Variants in MIA2 observed in about 807,000 individuals in gnomAD.
MIA2 encodes the protein melanoma inhibitory activity protein 2.
Under a neutral mutation model 167.8 loss-of-function variants are expected in MIA2, and 127 were observed. The ratio of observed to expected loss-of-function variants is 0.76; its 90% CI spans 0.66 to 0.88. The LOEUF (loss-of-function observed/expected upper bound fraction) is 0.88. Among genes scored for constraint, MIA2 ranks in the 40% least tolerant of loss-of-function variants. The pLI, the probability that MIA2 is intolerant of heterozygous loss-of-function variation, is 0.00. For synonymous variants in MIA2, 552 were observed against 541.9 expected (o/e 1.02, Z -0.26); for missense variants, 1,690 against 1,624.7 (o/e 1.04, Z -0.69).
In MIA2 at chr14:39,269,036, T is replaced by A. The variant is rs557963669; in HGVS notation, c.1888-7898T>A. ...GGAGAAATGCAGCCAGATTTTGCAG[T>A]TTTCTCTAGTCTGGTGCGTTGTATC... is the stretch of plus-strand genomic sequence containing the variant. On this transcript the variant is annotated intron_variant, in intron 6 of 28. Coordinates refer to ENST00000640607, the MANE Select transcript of MIA2 (RefSeq NM_001329214.4). 4.2e-5 allele frequency: 41 copies of A among 982,410 alleles called. No individual in the cohort carries two copies. In the East Asian group the frequency reaches 3.4e-3, roughly 82 times the overall value. 60.9% of individuals were successfully genotyped at this position (982,410 alleles called of 1,614,324 possible).
intron 23 of MIA2, among the ~76,000 whole-genome samples, chr14:39,357,645 C>T (rs569260720): frequency 3.9e-5 from 6 of 152,272 alleles, no homozygotes; most frequent in African/African-American, 1.4e-4. Flanking sequence ...TTCTTCCTAG[C>T]CTCGATGGTC....
chr14:39,305,035 A>G (rs1566839915), intron 17 of MIA2, among the ~76,000 whole-genome samples: 1 of 152,208 alleles, frequency 6.6e-6, no homozygotes, highest in African/African-American at 2.4e-5. Flanking sequence ...TCAAATGTCA[A>G]CAATGATTAT....
At chr14:39,254,619 G>A (rs1003514985) in intron 6 of MIA2, among the ~76,000 whole-genome samples, 1 of 152,196 alleles carries the variant, frequency 6.6e-6, no homozygotes, top group Non-Finnish European at 1.5e-5. Flanking sequence ...TGTATGCGCT[G>A]TCTAAAGGAT....
At position 39,293,383 on chromosome 14, in the gene MIA2, T is replaced by C. The variant is rs772434558; in HGVS notation, c.2319+2T>C. 5.9e-6 allele frequency: 9 copies of C among 1,531,854 alleles called. No individual in the cohort carries two copies. In the Middle Eastern group the frequency reaches 1.0e-3, roughly 174 times the overall value. The allele number at this position is 1,531,854 out of a possible 1,614,324, so 94.9% of individuals were successfully genotyped here. ...AAACATTCTGAACAAGATGAATTGGTAAGGCTTTTTTATTTGAGGAGAATA... is the reference window on the plus strand; with the variant it reads ...AAACATTCTGAACAAGATGAATTGGCAAGGCTTTTTTATTTGAGGAGAATA... On this transcript the variant is annotated splice_donor_variant, in intron 11 of 28. Coordinates refer to ENST00000640607, the MANE Select transcript of MIA2 (RefSeq NM_001329214.4). LOFTEE classifies it high-confidence loss of function.
chr14:39,360,331 C>G (rs2074652927), intron 23 of MIA2, among the ~76,000 whole-genome samples: 1 of 152,182 alleles, frequency 6.6e-6, no homozygotes, highest in South Asian at 2.1e-4. Context: ...AAGATGATAT[C>G]TCACTGTGGC....
At chr14:39,240,979 T>C (rs926683969) in intron 3 of MIA2, among the ~76,000 whole-genome samples, 1 of 152,230 alleles carries the variant, frequency 6.6e-6, no homozygotes, top group African/African-American at 2.4e-5. Context: ...TTTCCTTATC[T>C]GTAAAATGGG....
intron 24 of MIA2, among the ~76,000 whole-genome samples, chr14:39,324,418 T>A (rs1481428004): frequency 6.6e-6 from 1 of 152,216 alleles, no homozygotes; most frequent in Non-Finnish European, 1.5e-5. Flanking sequence ...ATAGTTTACC[T>A]CCTGATGTAA....
intron 24 of MIA2, among the ~76,000 whole-genome samples, chr14:39,321,552 G>A (rs1432817196): frequency 9.2e-5 from 14 of 151,760 alleles, no homozygotes; most frequent in Non-Finnish European, 1.5e-4. Flanking sequence ...TCCTGACCTC[G>A]TGATCCACCC....
In MIA2 at chr14:39,309,502, G is replaced by A. The variant is rs561532836; in HGVS notation, c.3017+915G>A. 5.8e-4 allele frequency among the ~76,000 whole-genome samples: 88 copies of A among 152,210 alleles called. 1 individual carries two copies. The South Asian group carries it at 6.4e-3, about 11-fold the overall frequency. On this transcript the variant is annotated intron_variant, in intron 18 of 28. Transcript: ENST00000640607. Reference sequence around the variant, plus strand: ...TCTTTTGTGCTTGTTCCTTCTGCCTGGAATGATGTTTCCTTATATATTTGA... The same window carrying A: ...TCTTTTGTGCTTGTTCCTTCTGCCTAGAATGATGTTTCCTTATATATTTGA...
At chr14:39,311,836 G>GTGTT (rs550544697) in intron 18 of MIA2, among the ~76,000 whole-genome samples, 2 of 96,616 alleles carry the variant, frequency 2.1e-5, no homozygotes, top group Admixed American at 9.7e-5. Flanking sequence ...GTGTGTGTGT[G>GTGTT]TTTTTTTTTT....
chr14:39,298,216 C>G (rs1234861937), intron 13 of MIA2, among the ~76,000 whole-genome samples: 3 of 151,682 alleles, frequency 2.0e-5, no homozygotes, highest in African/African-American at 4.8e-5. Flanking sequence ...TCATCTAACT[C>G]CCTTGTAATA....
chr14:39,350,119 G>C lies in MIA2; in HGVS notation c.4094G>C (p.Arg1365Thr), dbSNP rs778794782. 2 of 1,367,296 alleles carry C rather than the reference G, an allele frequency of 1.5e-6. No homozygotes were observed. The highest frequency in any genetic ancestry group is 2.0e-6 in the Non-Finnish European group (2 of 999,214). 84.7% of individuals were successfully genotyped at this position (1,367,296 alleles called of 1,614,324 possible). Residue 1365 changes from arginine (R) to threonine (T), a missense_variant, in exon 29 of 29, where the codon AGG becomes ACG. Arg to Thr is a moderately conservative substitution (Grantham distance 71, BLOSUM62 -1). Coordinates refer to ENST00000640607, the MANE Select transcript of MIA2 (RefSeq NM_001329214.4). The part of the protein sequence containing the change: ...PFAMRNVYPP[R>T]GFPPYLPPRP... ...ACAGTGAGAAATGTCTATCCACCGA[G>C]GGGTTTTCCTCCTTACCTTCCCCCA... is the stretch of plus-strand genomic sequence containing the variant.
rs768697099 is a variant in MIA2, at chr14:39,299,967, A to T, written c.2600A>T (p.Asp867Val). The T allele has an allele frequency of 1.9e-6, 3 of 1,598,714 alleles. No homozygotes were observed. Among genetic ancestry groups the T allele is most frequent in the Non-Finnish European group, 2.6e-6 (3 of 1,175,142 alleles). ...GTACATGCAGAACAAGTTCTAAATG[A>T]TAAAGAAAGTCACATCAAGGTAAAT... is the stretch of plus-strand genomic sequence containing the variant. ...SKVHAEQVLN[D>V]KESHIKTLTE... is the part of the protein sequence containing the mutation. The change falls in exon 14 of 29, where the codon GAT (aspartate) becomes GTT (valine). Residue 867 changes from aspartate (D) to valine (V), a missense_variant. Physicochemically the swap from Asp to Val is radical, Grantham distance 152 (BLOSUM62 -3). Transcript: ENST00000640607.
At position 39,388,267 on chromosome 14, in the gene MIA2, A is replaced by AT. The variant is rs1314846510; in HGVS notation, c.*1321dup. 2.0e-5 allele frequency: 3 copies of AT among 152,046 alleles called. No individual in the cohort carries two copies. Among genetic ancestry groups the AT allele is most frequent in the African/African-American group, 4.8e-5 (2 of 41,468 alleles). The allele number at this position is 152,046 out of a possible 1,614,324, so 9.4% of individuals were successfully genotyped here. A position where few individuals can be genotyped will look rare whatever the true frequency, so the allele number is the denominator to read the frequency against. ...TTGACAGCTATCCAAACAATCTTAC[A>AT]TTTTTTCCTTCATGTTTTTCTTTTC... On this transcript the variant is annotated 3_prime_UTR_variant, in exon 24 of 24. Transcript: ENST00000341502. This position sits in a 1 kb window ranked among gnomAD's most constrained non-coding sequence, Gnocchi z 4.1.
chr14:39,300,390 A>G (rs891526218), intron 14 of MIA2, among the ~76,000 whole-genome samples: 2 of 152,172 alleles, frequency 1.3e-5, no homozygotes, highest in African/African-American at 4.8e-5. Flanking sequence ...GGAGAGGAAT[A>G]CTTTTAAAAA....
intron 24 of MIA2, among the ~76,000 whole-genome samples, chr14:39,321,744 T>C (rs2066477186): frequency 6.7e-6 from 1 of 149,272 alleles, no homozygotes; most frequent in South Asian, 2.1e-4. Context: ...ATTATCTATG[T>C]GTATGTATAT....
chr14:39,274,203 C>T (rs1394084589), intron 6 of MIA2, among the ~76,000 whole-genome samples: 1 of 152,008 alleles, frequency 6.6e-6, no homozygotes. Flanking sequence ...GGAGGGGTTA[C>T]CCATCACCCT....
At position 39,279,469 on chromosome 14, in the gene MIA2, C is replaced by G. The variant is rs747878553; in HGVS notation, c.2062C>G (p.Leu688Val). ...LYVGREKKLA[L>V]MLSGLIEEKS... ...TTTAGGACGAGAGAAAAAGCTTGCT[C>G]TAATGCTTTCTGGACTAATTGAAGA... is the stretch of plus-strand genomic sequence containing the variant. The change falls in exon 9 of 29, where the codon CTA becomes GTA. Residue 688 changes from leucine to valine, a missense_variant. Coordinates refer to ENST00000640607, the MANE Select transcript of MIA2 (RefSeq NM_001329214.4). 1.2e-6 allele frequency: 2 copies of G among 1,608,998 alleles called. No homozygotes were observed. Among genetic ancestry groups the G allele is most frequent in the Admixed American group, 1.7e-5 (1 of 59,110 alleles).
At chr14:39,239,375 A>C (rs1308720350) in intron 2 of MIA2, among the ~76,000 whole-genome samples, 1 of 150,712 alleles carries the variant, frequency 6.6e-6, no homozygotes, top group African/African-American at 2.4e-5. Context: ...GCAAGAATAC[A>C]CACACACACA....
Sources: allele counts gnomAD v4.1 joint callset (sites outside exome capture counted in the v4.1 genomes callset), GRCh38; gene constraint gnomAD v4.1.1; non-coding constraint Gnocchi (gnomAD v3.1); transcripts MANE v1.5; gene names NCBI Gene and HGNC (gene_info 2026-07-23, HGNC 2026-07-21).